Variants in TSHZ2 observed in about 807,000 individuals in gnomAD.
The protein encoded by TSHZ2 is teashirt zinc finger homeobox 2.
In TSHZ2, 21 loss-of-function variants were observed where a neutral mutation model predicts 74.4. That is an observed-to-expected ratio of 0.28 (90% CI 0.20 to 0.41). The LOEUF (loss-of-function observed/expected upper bound fraction) is 0.41. TSHZ2 is among the 10% of genes least tolerant of loss of function. The pLI, the probability that TSHZ2 is intolerant of heterozygous loss-of-function variation, is 1.00. For synonymous variants in TSHZ2, 540 were observed against 515.3 expected (o/e 1.05, Z -0.65); for missense variants, 1,244 against 1,293.5 (o/e 0.96, Z 0.59).
At chr20:53,438,779 G>A (rs1187647200) in intron 2 of TSHZ2, among the ~76,000 whole-genome samples, 1 of 152,178 alleles carries the variant, frequency 6.6e-6, no homozygotes, top group Non-Finnish European at 1.5e-5. Context: ...TGACCAACAT[G>A]ATGAAACCCC....
chr20:53,015,617 A>C (rs904463401), intron 1 of TSHZ2, among the ~76,000 whole-genome samples: 1 of 152,150 alleles, frequency 6.6e-6, no homozygotes, highest in African/African-American at 2.4e-5. Context: ...CCTTTAGCCA[A>C]TGTTTGTGTC....
At chr20:53,201,469 G>C (rs985599111) in intron 1 of TSHZ2, among the ~76,000 whole-genome samples, 5 of 152,094 alleles carry the variant, frequency 3.3e-5, no homozygotes, top group Non-Finnish European at 5.9e-5. Flanking sequence ...CCCTGACTCC[G>C]ATTCTCCCAC....
intron 2 of TSHZ2, among the ~76,000 whole-genome samples, chr20:53,331,852 C>G (rs1461140375): frequency 6.6e-6 from 1 of 151,976 alleles, no homozygotes; most frequent in Admixed American, 6.5e-5. Context: ...CACCTCTGGG[C>G]TTGATGGGCC....
In TSHZ2 at chr20:53,490,273, AC is replaced by A. The variant is rs1481124280; in HGVS notation, c.*3139del. 6.6e-6 allele frequency: 1 copy of A among 152,240 alleles called. No individual in the cohort carries two copies. The highest frequency in any genetic ancestry group is 2.4e-5 in the African/African-American group (1 of 41,456). 9.4% of individuals were successfully genotyped at this position (152,240 alleles called of 1,614,324 possible). A position where few individuals can be genotyped will look rare whatever the true frequency, so the allele number is the denominator to read the frequency against. On this transcript the variant is annotated 3_prime_UTR_variant, in exon 3 of 3. Coordinates refer to ENST00000371497, the MANE Select transcript of TSHZ2 (RefSeq NM_173485.6). ...CAAGGCACTGGTGGCACAGGGCACAACAGGAAATGATATTTATTTAGCAAAT... is the reference window on the plus strand; with the variant it reads ...CAAGGCACTGGTGGCACAGGGCACAAAGGAAATGATATTTATTTAGCAAAT...
At chr20:53,016,117 T>A (rs1168564946) in intron 1 of TSHZ2, among the ~76,000 whole-genome samples, 1 of 152,162 alleles carries the variant, frequency 6.6e-6, no homozygotes, top group Non-Finnish European at 1.5e-5. Context: ...AGGATGACTG[T>A]GAAAATCATC....
intron 1 of TSHZ2, among the ~76,000 whole-genome samples, chr20:53,092,384 A>C (rs1985910122): frequency 6.6e-6 from 1 of 152,188 alleles, no homozygotes; most frequent in Non-Finnish European, 1.5e-5. Context: ...ATGATGTTTT[A>C]TCAGTCAACT....
intron 2 of TSHZ2, among the ~76,000 whole-genome samples, chr20:53,469,969 T>C (rs984464845): frequency 2.6e-5 from 4 of 152,110 alleles, no homozygotes; most frequent in Non-Finnish European, 5.9e-5. Context: ...ATTACTGATA[T>C]ATAACTGTTA....
intron 1 of TSHZ2, among the ~76,000 whole-genome samples, chr20:53,237,954 C>T (rs1271921349): frequency 6.6e-6 from 1 of 152,108 alleles, no homozygotes; most frequent in African/African-American, 2.4e-5. Flanking sequence ...TAAGGCAAAT[C>T]CACATATATA....
In TSHZ2 at chr20:53,253,836, C is replaced by A. The variant is rs371673845; in HGVS notation, c.378C>A (p.Thr126=). ...CACACAATTGCATGGATAAAATGAC[C>A]GCTGTCTACGCCAACATCCTGTCGG... is the stretch of plus-strand genomic sequence containing the variant. ...NEAHNCMDKM[T]AVYANILSDS... The change falls in exon 2 of 3, where the codon ACC becomes ACA. Residue 126 remains threonine (T), a synonymous_variant. Transcript: ENST00000371497. 9.3e-6 allele frequency: 15 copies of A among 1,614,176 alleles called. No individual in the cohort carries two copies. The Admixed American group carries it at 1.2e-4, about 13-fold the overall frequency.
chr20:53,279,386 G>T (rs763470271), intron 2 of TSHZ2, among the ~76,000 whole-genome samples: 67 of 152,254 alleles, frequency 4.4e-4, no homozygotes, highest in Non-Finnish European at 7.4e-4. Context: ...TGTCATTTTT[G>T]TGTGTCATAA....
intron 1 of TSHZ2, among the ~76,000 whole-genome samples, chr20:52,998,892 T>C (rs6022202): frequency 0.053 from 8,072 of 152,342 alleles, 500 homozygotes; most frequent in African/African-American, 0.15. Context: ...AAAACATTTC[T>C]AGAACTGTTT....
intron 1 of TSHZ2, among the ~76,000 whole-genome samples, chr20:52,975,171 A>G (rs1244333030): frequency 6.6e-6 from 1 of 152,118 alleles, no homozygotes; most frequent in Admixed American, 6.5e-5. Context: ...ACATTATTAG[A>G]GATAACGTCC....
intron 1 of TSHZ2, among the ~76,000 whole-genome samples, chr20:53,049,150 C>T (rs561114457): frequency 9.2e-5 from 14 of 152,298 alleles, no homozygotes; most frequent in African/African-American, 3.4e-4. Flanking sequence ...GGAAAGCTGG[C>T]TTGGATGAAC....
At chr20:53,181,871 T>C (rs542555820) in intron 1 of TSHZ2, among the ~76,000 whole-genome samples, 5 of 151,832 alleles carry the variant, frequency 3.3e-5, no homozygotes, top group Non-Finnish European at 7.4e-5. Flanking sequence ...TTAACAGCTG[T>C]GCCCAGACAG....
chr20:53,149,159 T>C (rs1043116216), intron 1 of TSHZ2, among the ~76,000 whole-genome samples: 8 of 151,934 alleles, frequency 5.3e-5, no homozygotes, highest in African/African-American at 1.9e-4. Flanking sequence ...CCTGACAATG[T>C]ACTGGTCAGC....
At chr20:53,356,867 AAATAAT>A (rs970204416) in intron 2 of TSHZ2, among the ~76,000 whole-genome samples, 63 of 151,974 alleles carry the variant, frequency 4.1e-4, no homozygotes, top group East Asian at 1.4e-3. Flanking sequence ...GAAAACAGGA[AAATAAT>A]AATAATAATA....
At chr20:53,365,661 T>C (rs1049709647) in intron 2 of TSHZ2, among the ~76,000 whole-genome samples, 1 of 152,152 alleles carries the variant, frequency 6.6e-6, no homozygotes, top group South Asian at 2.1e-4. Flanking sequence ...GAATGCTGAG[T>C]TACCAGCTGG....
intron 2 of TSHZ2, among the ~76,000 whole-genome samples, chr20:53,414,002 A>G (rs1377377147): frequency 6.6e-6 from 1 of 152,142 alleles, no homozygotes; most frequent in African/African-American, 2.4e-5. Flanking sequence ...TTAGCTGAGC[A>G]TAGTGGCACA....
intron 1 of TSHZ2, among the ~76,000 whole-genome samples, chr20:53,048,517 C>A (rs755227160): frequency 6.6e-6 from 1 of 152,178 alleles, no homozygotes; most frequent in Non-Finnish European, 1.5e-5. Flanking sequence ...AGCCATTACC[C>A]TCCTCCTGAT....
Sources: gnomAD v4.1 joint callset for allele counts (sites outside exome capture counted in the v4.1 genomes callset) on GRCh38, gnomAD v4.1.1 for gene constraint, MANE v1.5 for transcripts, NCBI Gene and HGNC (gene_info 2026-07-23, HGNC 2026-07-21) for gene names.